SPAG1: variants seen among roughly 807,000 people sequenced by gnomAD.
SPAG1 encodes sperm-associated antigen 1.
In SPAG1, 69 loss-of-function variants were observed where a neutral mutation model predicts 100.5. The observed-to-expected ratio is 0.69, with a 90% CI of 0.57 to 0.84. The LOEUF is 0.84. Among genes scored for constraint, SPAG1 ranks in the 40% least tolerant of loss-of-function variants. The pLI, the probability that SPAG1 is intolerant of heterozygous loss-of-function variation, is 0.00. For missense variants in SPAG1, 955 were observed against 1,133.1 expected (o/e 0.84, Z 2.26); for synonymous variants, 336 against 411.6 (o/e 0.82, Z 2.22).
In SPAG1 at chr8:100,240,557, T is replaced by C. The variant is rs1047928792; in HGVS notation, c.2435T>C (p.Ile812Thr). The part of the protein sequence containing the change: ...KPNNAYEFGQ[I>T]INALSTRKDK... The stretch of plus-strand genomic sequence containing the variant: ...AATAATGCCTATGAATTTGGTCAGA[T>C]TATAAATGCTCTCAGTACCAGGAAG... The change falls in exon 18 of 19, where the codon ATT becomes ACT. Residue 812 changes from isoleucine (I) to threonine (T), a missense_variant. Coordinates refer to ENST00000388798, the MANE Select transcript of SPAG1 (RefSeq NM_003114.5). The C allele has an allele frequency of 1.2e-6, 2 of 1,613,956 alleles. No homozygotes were observed. Among genetic ancestry groups the C allele is most frequent in the Non-Finnish European group, 1.7e-6 (2 of 1,179,980 alleles).
intron 3 of SPAG1, among the ~76,000 whole-genome samples, chr8:100,174,969 GCTT>G (rs1298053556): frequency 9.5e-6 from 1 of 105,052 alleles, no homozygotes; most frequent in East Asian, 2.8e-4. Flanking sequence ...TTATTTCATG[GCTT>G]TTTTTTTTTT....
chr8:100,214,993 A>C (rs1234526758), intron 12 of SPAG1, among the ~76,000 whole-genome samples: 1 of 202 alleles, frequency 5.0e-3, no homozygotes, highest in Non-Finnish European at 0.011. Flanking sequence ...TTACTCATAT[A>C]TATATATATA....
chr8:100,220,418 G>A lies in SPAG1; in HGVS notation c.1675G>A (p.Asp559Asn), dbSNP rs1818214831. 1.2e-6 allele frequency: 2 copies of A among 1,612,766 alleles called. No individual in the cohort carries two copies. The highest frequency in any genetic ancestry group is 1.7e-6 in the Non-Finnish European group (2 of 1,179,568). The change falls in exon 13 of 19, where the codon GAC becomes AAC. Residue 559 changes from aspartate to asparagine, a missense_variant. Coordinates refer to ENST00000388798, the MANE Select transcript of SPAG1 (RefSeq NM_003114.5). Reference protein sequence around the residue: ...QIDCGLQLANDSVNRLSRILM... With the variant: ...QIDCGLQLANNSVNRLSRILM... Reference sequence around the variant, plus strand: ...AGACTGTGGACTCCAGCTAGCAAATGACAGTGTTAACAGGTAATTAATCTG... The same window carrying A: ...AGACTGTGGACTCCAGCTAGCAAATAACAGTGTTAACAGGTAATTAATCTG...
At chr8:100,167,827 A>T (rs2132205993) in intron 3 of SPAG1, among the ~76,000 whole-genome samples, 2 of 152,232 alleles carry the variant, frequency 1.3e-5, no homozygotes, top group Middle Eastern at 6.8e-3. Flanking sequence ...GTCAGTGTAG[A>T]CCCCACTGCC....
intron 12 of SPAG1, among the ~76,000 whole-genome samples, chr8:100,217,030 A>C (rs1326395274): frequency 2.9e-5 from 4 of 139,838 alleles, no homozygotes; most frequent in African/African-American, 1.1e-4. Context: ...TCTGCCTCCC[A>C]GGTTCAAGTG....
chr8:100,172,571 G>A (rs1340052565), intron 3 of SPAG1, among the ~76,000 whole-genome samples: 1 of 151,876 alleles, frequency 6.6e-6, no homozygotes, highest in African/African-American at 2.4e-5. Flanking sequence ...AGTGAGCAAA[G>A]ATGGCACCAC....
chr8:100,240,958 A>G lies in SPAG1; in HGVS notation c.2717A>G (p.Asp906Gly), dbSNP rs199727770. 90 of 1,612,742 alleles carry G rather than the reference A, an allele frequency of 5.6e-5. No individual in the cohort carries two copies. In the Admixed American group the frequency reaches 1.1e-3, roughly 20 times the overall value. Residue 906 changes from aspartate (D) to glycine (G), a missense_variant, in exon 19 of 19, where the codon GAC becomes GGC. Transcript: ENST00000388798. ...LIEQLFEDLSDTPNNHFTLED... is the reference protein window; with the variant it reads ...LIEQLFEDLSGTPNNHFTLED... ...GAACAGCTGTTTGAGGACCTTTCGGACACACCAAACAACCATTTTACTTTA... is the reference window on the plus strand; with the variant it reads ...GAACAGCTGTTTGAGGACCTTTCGGGCACACCAAACAACCATTTTACTTTA...
At chr8:100,235,760 C>T (rs1302732821) in intron 16 of SPAG1, among the ~76,000 whole-genome samples, 1 of 152,028 alleles carries the variant, frequency 6.6e-6, no homozygotes, top group African/African-American at 2.4e-5. Flanking sequence ...CGCCAGGACC[C>T]CCGTGCTGCC....
Position 100,240,400 on chromosome 8 carries a change from A to C in SPAG1, c.2281-3A>C. On this transcript the variant is annotated splice_region_variant and splice_polypyrimidine_tract_variant and intron_variant, in intron 17 of 18. Coordinates refer to ENST00000388798, the MANE Select transcript of SPAG1 (RefSeq NM_003114.5). ...ACAATGCATTTTTCTTTTCTTCATGAAGGTGAATGAAGGCAAGGAGGAGCC... is the reference window on the plus strand; with the variant it reads ...ACAATGCATTTTTCTTTTCTTCATGCAGGTGAATGAAGGCAAGGAGGAGCC... 1 of 1,581,278 alleles carries C rather than the reference A, an allele frequency of 6.3e-7. No individual in the cohort carries two copies. The highest frequency in any genetic ancestry group is 2.2e-5 in the East Asian group (1 of 44,732).
chr8:100,173,495 T>A (rs533376501), intron 3 of SPAG1, among the ~76,000 whole-genome samples: 1 of 152,280 alleles, frequency 6.6e-6, no homozygotes, highest in Admixed American at 6.5e-5. Flanking sequence ...AGTTGTTGGG[T>A]TTTTTTGCTG....
intron 12 of SPAG1, among the ~76,000 whole-genome samples, chr8:100,214,982 T>C (rs1432219746): frequency 2.2e-5 from 2 of 92,814 alleles, no homozygotes; most frequent in East Asian, 6.9e-4. Flanking sequence ...CTCTGTAAAC[T>C]TTACTCATAT....
rs1380429952 is a variant in SPAG1 at position 100,240,736 on chromosome 8, C to T, written c.2614C>T (p.His872Tyr). 1 of 1,611,556 alleles carries T rather than the reference C, an allele frequency of 6.2e-7. No individual in the cohort carries two copies. The highest frequency in any genetic ancestry group is 8.5e-7 in the Non-Finnish European group (1 of 1,178,960). ...IEKDPSLVYQ[H>Y]LLYLSKAERF... Reference sequence around the variant, plus strand: ...AAAAGATCCCTCATTGGTGTATCAGCATCTTTTATACCTGAGTAAAGCAGA... The same window carrying T: ...AAAAGATCCCTCATTGGTGTATCAGTATCTTTTATACCTGAGTAAAGCAGA... Residue 872 changes from histidine to tyrosine, a missense_variant, in exon 18 of 19, where the codon CAT becomes TAT. Physicochemically the swap from His to Tyr is moderately conservative, Grantham distance 83. Coordinates refer to ENST00000388798, the MANE Select transcript of SPAG1 (RefSeq NM_003114.5).
At chr8:100,238,342 G>A (rs373963165) in intron 16 of SPAG1, among the ~76,000 whole-genome samples, 1 of 152,160 alleles carries the variant, frequency 6.6e-6, no homozygotes, top group Non-Finnish European at 1.5e-5. Context: ...GAGGGGAAAG[G>A]CATGTGGGAT....
At chr8:100,162,534 G>A in intron 2 of SPAG1, 114 bp downstream of exon 2, 5 of 841,290 alleles carry the variant, frequency 5.9e-6, no homozygotes, top group Non-Finnish European at 8.9e-6. Context: ...ATGCATGGTA[G>A]GTCCCAAAAT....
At chr8:100,219,633 G>A (rs895818028) in intron 12 of SPAG1, among the ~76,000 whole-genome samples, 6 of 152,146 alleles carry the variant, frequency 3.9e-5, no homozygotes, top group African/African-American at 1.4e-4. Flanking sequence ...AATGAAGTAC[G>A]TTAAATGCTG....
At chr8:100,215,871 A>G (rs1389740387) in intron 12 of SPAG1, among the ~76,000 whole-genome samples, 2 of 152,238 alleles carry the variant, frequency 1.3e-5, no homozygotes, top group East Asian at 3.8e-4. Flanking sequence ...GCCTAAGTTT[A>G]AAAAGAAGGC....
intron 10 of SPAG1, among the ~76,000 whole-genome samples, chr8:100,203,383 T>C (rs1027100763): frequency 1.3e-5 from 2 of 152,152 alleles, no homozygotes; most frequent in African/African-American, 4.8e-5. Context: ...CTGACTAGTA[T>C]AGATTTTAGT....
intron 10 of SPAG1, 91 bp downstream of exon 10, chr8:100,194,359 A>G: frequency 6.5e-7 from 1 of 1,532,310 alleles, no homozygotes; most frequent in Non-Finnish European, 8.8e-7. Flanking sequence ...GAAATTCGTA[A>G]TCTATCAGTT....
chr8:100,228,654 G>T (rs957819496), intron 14 of SPAG1, among the ~76,000 whole-genome samples: 8 of 151,928 alleles, frequency 5.3e-5, no homozygotes, highest in Non-Finnish European at 1.2e-4. Flanking sequence ...CAGAGGTTGT[G>T]GTGAGCCGAG....
Sources: allele counts gnomAD v4.1 joint callset (sites outside exome capture counted in the v4.1 genomes callset), GRCh38; gene constraint gnomAD v4.1.1; transcripts MANE v1.5; gene names NCBI Gene and HGNC (gene_info 2026-07-23, HGNC 2026-07-21).